Variants in CUBN observed in about 807,000 individuals in gnomAD.
The protein encoded by CUBN is 460 kDa receptor.
A neutral mutation model predicts 405.3 loss-of-function variants in CUBN; 282 were observed. The ratio of observed to expected loss-of-function variants is 0.70; its 90% CI spans 0.63 to 0.77. The LOEUF (loss-of-function observed/expected upper bound fraction) is 0.77. Ranked by LOEUF, CUBN falls within the 30% of genes least tolerant of loss-of-function variation. The probability of loss-of-function intolerance (pLI) is 0.00; values close to 1 mark genes in which losing one functional copy is unlikely to be tolerated. For missense variants in CUBN, 4,514 were observed against 4,475.2 expected (o/e 1.01, Z -0.25); for synonymous variants, 1,684 against 1,617.0 (o/e 1.04, Z -0.99).
intron 24 of CUBN, 132 bp from the exon 25 acceptor site, chr10:17,045,320 G>C: frequency 1.1e-6 from 1 of 889,580 alleles, no homozygotes; most frequent in Admixed American, 2.1e-5. Context: ...CATCATGAAA[G>C]AGTAGTTATA....
chr10:16,983,144 C>T (rs1221245237), intron 30 of CUBN, among the ~76,000 whole-genome samples: 1 of 152,040 alleles, frequency 6.6e-6, no homozygotes, highest in Non-Finnish European at 1.5e-5. Flanking sequence ...CCTGTTAGTT[C>T]AATGTCTTCT....
intron 17 of CUBN, among the ~76,000 whole-genome samples, chr10:17,072,743 A>G (rs1410925164): frequency 6.6e-6 from 1 of 152,184 alleles, no homozygotes; most frequent in Non-Finnish European, 1.5e-5. Flanking sequence ...AAGAAAATAA[A>G]TATATAAGCA....
intron 56 of CUBN, among the ~76,000 whole-genome samples, chr10:16,887,290 C>A (rs1840849496): frequency 6.6e-6 from 1 of 152,178 alleles, no homozygotes. Flanking sequence ...GACTTATTTT[C>A]TTTAAGCAAT....
intron 17 of CUBN, among the ~76,000 whole-genome samples, chr10:17,083,736 G>C (rs563666712): frequency 6.6e-6 from 1 of 152,174 alleles, no homozygotes; most frequent in Admixed American, 6.5e-5. Flanking sequence ...TATGTAAAAT[G>C]ATTATGCCCA....
At chr10:16,908,422 G>A (rs549261869) in intron 48 of CUBN, among the ~76,000 whole-genome samples, 1 of 152,130 alleles carries the variant, frequency 6.6e-6, no homozygotes, top group Non-Finnish European at 1.5e-5. Context: ...TGGGATTACT[G>A]GTGTGAGCCA....
chr10:16,951,992 T>C (rs1184867661), intron 33 of CUBN, among the ~76,000 whole-genome samples: 1 of 151,332 alleles, frequency 6.6e-6, no homozygotes, highest in African/African-American at 2.4e-5. Flanking sequence ...AGCAAGGTTG[T>C]AGGTGTGTTG....
chr10:16,830,686 G>C (rs1408987208), intron 65 of CUBN, among the ~76,000 whole-genome samples: 1 of 152,104 alleles, frequency 6.6e-6, no homozygotes, highest in Non-Finnish European at 1.5e-5. Flanking sequence ...AAGTCAAAAA[G>C]TCTAACAAAA....
At chr10:16,908,938 A>G (rs2131442181) in intron 48 of CUBN, among the ~76,000 whole-genome samples, 1 of 140,576 alleles carries the variant, frequency 7.1e-6, no homozygotes, top group East Asian at 2.1e-4. Context: ...TGCGGACTGC[A>G]GTGGCGCAAT....
At chr10:16,889,656 G>T (rs1216887047) in intron 55 of CUBN, among the ~76,000 whole-genome samples, 1 of 151,986 alleles carries the variant, frequency 6.6e-6, no homozygotes, top group Non-Finnish European at 1.5e-5. Context: ...AGCACTTTGG[G>T]AGGCCGAGGC....
At chr10:16,901,911 A>AC (rs1564412977) in intron 51 of CUBN, among the ~76,000 whole-genome samples, 1 of 131,766 alleles carries the variant, frequency 7.6e-6, no homozygotes, top group Non-Finnish European at 1.7e-5. Flanking sequence ...ATATATATAT[A>AC]TATATATACA....
Position 17,043,989 on chromosome 10 carries a change from A to G in CUBN, c.3673-6T>C, listed in dbSNP as rs1338409412. ...CTACTTGGGCCATCATATACCTTTA[A>G]GAAAATATTTTGAATGTTAGATGGT... On this transcript the variant is annotated splice_polypyrimidine_tract_variant and splice_region_variant and intron_variant, in intron 25 of 66. Transcript: ENST00000377833. 6.2e-7 allele frequency: 1 copy of G among 1,611,612 alleles called. No homozygotes were observed. The highest frequency in any genetic ancestry group is 8.5e-7 in the Non-Finnish European group (1 of 1,178,370).
chr10:16,937,583 C>A lies in CUBN; in HGVS notation c.5926+9G>T, dbSNP rs764090476. The A allele has an allele frequency of 9.3e-6, 15 of 1,612,970 alleles. No homozygotes were observed. The East Asian group carries it at 3.3e-4, about 36-fold the overall frequency. On this transcript the variant is annotated intron_variant, in intron 39 of 66. Transcript: ENST00000377833. Reference sequence around the variant, plus strand: ...TCCTAAAAAGAACTTCATTTATTACCAAACACACCTGGAGCAATGGTAGGT... The same window carrying A: ...TCCTAAAAAGAACTTCATTTATTACAAAACACACCTGGAGCAATGGTAGGT...
At chr10:17,077,813 A>T (rs1360058439) in intron 17 of CUBN, among the ~76,000 whole-genome samples, 2 of 152,170 alleles carry the variant, frequency 1.3e-5, no homozygotes, top group Non-Finnish European at 2.9e-5. Context: ...GCCATTTAGG[A>T]TCTCAAAATC....
chr10:16,847,388 C>A (rs998013991), intron 60 of CUBN, among the ~76,000 whole-genome samples: 2 of 151,972 alleles, frequency 1.3e-5, no homozygotes, highest in Middle Eastern at 3.2e-3. Flanking sequence ...GGAGACAGAG[C>A]CTGCAGTGAG....
chr10:16,836,978 G>A (rs141693088), intron 62 of CUBN, among the ~76,000 whole-genome samples: 2,450 of 152,244 alleles, frequency 0.016, 32 homozygotes, highest in Middle Eastern at 0.044. Flanking sequence ...TTGTACCAAA[G>A]TCAGGGTATT....
chr10:16,920,686 G>C (rs988758076), intron 43 of CUBN, among the ~76,000 whole-genome samples: 55 of 152,092 alleles, frequency 3.6e-4, no homozygotes, highest in African/African-American at 1.2e-3. Context: ...GGATAAAGGA[G>C]CTTTTTAATA....
chr10:16,910,483 T>C (rs1841697985), intron 48 of CUBN, among the ~76,000 whole-genome samples: 1 of 152,230 alleles, frequency 6.6e-6, no homozygotes, highest in African/African-American at 2.4e-5. Context: ...GATTCGTCGC[T>C]GGAGTTTTAA....
chr10:16,953,234 T>G (rs948480566), intron 32 of CUBN, among the ~76,000 whole-genome samples: 2 of 152,184 alleles, frequency 1.3e-5, no homozygotes, highest in African/African-American at 4.8e-5. Context: ...AGCAGGGACT[T>G]TTTACTATGA....
At chr10:16,893,446 C>T (rs919617807) in intron 54 of CUBN, among the ~76,000 whole-genome samples, 11 of 152,016 alleles carry the variant, frequency 7.2e-5, no homozygotes, top group African/African-American at 2.7e-4. Flanking sequence ...ACAAGTTGTA[C>T]ACAATTGCAT....
Sources: allele counts gnomAD v4.1 joint callset (sites outside exome capture counted in the v4.1 genomes callset), GRCh38; gene constraint gnomAD v4.1.1; transcripts MANE v1.5; gene names NCBI Gene and HGNC (gene_info 2026-07-23, HGNC 2026-07-21).